The following TANGO6 variants were observed in gnomAD, a reference collection of about 807,000 sequenced individuals.
TANGO6 encodes transport and golgi organization 6 homolog.
Under a neutral mutation model 114.2 loss-of-function variants are expected in TANGO6, and 90 were observed. The ratio of observed to expected loss-of-function variants is 0.79; its 90% CI spans 0.66 to 0.94. The LOEUF (loss-of-function observed/expected upper bound fraction) is 0.94. Among genes scored for constraint, TANGO6 ranks in the 40% least tolerant of loss-of-function variants. The probability of loss-of-function intolerance (pLI) is 0.00; values close to 1 mark genes in which losing one functional copy is unlikely to be tolerated. For synonymous variants in TANGO6, 477 were observed against 509.8 expected (o/e 0.94, Z 0.87); for missense variants, 1,274 against 1,315.3 (o/e 0.97, Z 0.49).
intron 15 of TANGO6, among the ~76,000 whole-genome samples, chr16:69,011,757 T>C (rs1348841183): frequency 6.6e-6 from 1 of 152,230 alleles, no homozygotes; most frequent in Non-Finnish European, 1.5e-5. Flanking sequence ...CCCTCTGCTA[T>C]GTAAGCAACT....
chr16:68,986,101 T>C (rs1218896555), intron 15 of TANGO6, among the ~76,000 whole-genome samples: 1 of 152,166 alleles, frequency 6.6e-6, no homozygotes, highest in Admixed American at 6.5e-5. Flanking sequence ...CAAAGAACAG[T>C]ACTTCTTAAT....
chr16:68,994,497 C>A (rs898789039), intron 15 of TANGO6, among the ~76,000 whole-genome samples: 6 of 152,030 alleles, frequency 3.9e-5, no homozygotes, highest in African/African-American at 1.4e-4. Flanking sequence ...TCTTTCCCAG[C>A]CTATAAGAAG....
rs12929442 is a variant in TANGO6, at chr16:68,937,961, G to A, written c.2701+7666G>A. 7.3e-3 allele frequency among the ~76,000 whole-genome samples: 1,111 copies of A among 152,316 alleles called. 7 individuals carry two copies. The highest frequency in any genetic ancestry group is 0.014 in the Middle Eastern group (4 of 294). ...CCTGGGTATATACATATACCTAGGA[G>A]TGGAATTGCTGGATCGTATAGTAAG... On this transcript the variant is annotated intron_variant, in intron 14 of 17. Transcript: ENST00000261778.
chr16:68,851,029 A>T (rs907720998), intron 1 of TANGO6, among the ~76,000 whole-genome samples: 2 of 152,152 alleles, frequency 1.3e-5, no homozygotes, highest in Non-Finnish European at 2.9e-5. Context: ...TATTTTAATT[A>T]GCTTTAAATT....
At chr16:68,968,347 A>G (rs1346601476) in intron 14 of TANGO6, among the ~76,000 whole-genome samples, 1 of 150,282 alleles carries the variant, frequency 6.7e-6, no homozygotes, top group African/African-American at 2.4e-5. Context: ...TACAGATGTC[A>G]GCTACCGCAC....
intron 4 of TANGO6, chr16:68,868,024 G>T (rs1395636597): frequency 6.8e-6 from 1 of 147,768 alleles, no homozygotes; most frequent in Non-Finnish European, 1.5e-5. Context: ...CCCGCCTATG[G>T]TCCCAGCTAC....
chr16:68,843,859 G>T (rs1343575052), intron 1 of TANGO6, 148 bp downstream of exon 1: 2 of 716,432 alleles, frequency 2.8e-6, no homozygotes, highest in South Asian at 1.8e-5. Flanking sequence ...CATTGTCTAT[G>T]CCCGTCCTCA....
At chr16:68,897,576 C>T (rs966298833) in intron 7 of TANGO6, among the ~76,000 whole-genome samples, 3 of 149,444 alleles carry the variant, frequency 2.0e-5, no homozygotes, top group African/African-American at 4.9e-5. Context: ...AAAAAATTAG[C>T]GGATTTTTTT....
At chr16:68,991,470 A>C (rs990860333) in intron 15 of TANGO6, among the ~76,000 whole-genome samples, 5 of 151,950 alleles carry the variant, frequency 3.3e-5, no homozygotes, top group African/African-American at 1.2e-4. Flanking sequence ...AGAAAAAGCT[A>C]CTAAAAATAG....
At chr16:68,876,293 C>G (rs1158019183) in intron 5 of TANGO6, among the ~76,000 whole-genome samples, 1 of 152,050 alleles carries the variant, frequency 6.6e-6, no homozygotes, top group Non-Finnish European at 1.5e-5. Context: ...TCCCGAGTAG[C>G]TGGGATTACA....
intron 15 of TANGO6, among the ~76,000 whole-genome samples, chr16:68,996,943 C>A (rs1963996660): frequency 6.6e-6 from 1 of 151,962 alleles, no homozygotes; most frequent in African/African-American, 2.4e-5. Flanking sequence ...TTCTTCATCT[C>A]TACTTCAACC....
intron 17 of TANGO6, among the ~76,000 whole-genome samples, chr16:69,064,863 TG>T (rs1475346481): frequency 6.6e-6 from 1 of 152,134 alleles, no homozygotes; most frequent in East Asian, 1.9e-4. Context: ...TAATCCCACG[TG>T]GGAGGCTTTC....
chr16:68,912,296 G>A (rs956004177), intron 11 of TANGO6, among the ~76,000 whole-genome samples: 3 of 152,104 alleles, frequency 2.0e-5, no homozygotes, highest in African/African-American at 4.8e-5. Flanking sequence ...CCACGAGTTC[G>A]AGACCAGCCT....
At chr16:69,066,280 A>T (rs1424435254) in intron 17 of TANGO6, among the ~76,000 whole-genome samples, 3 of 150,812 alleles carry the variant, frequency 2.0e-5, no homozygotes, top group Admixed American at 6.6e-5. Context: ...CTATTCATTC[A>T]TTCATTCATT....
chr16:68,947,040 A>C (rs1251791016), intron 14 of TANGO6, among the ~76,000 whole-genome samples: 2 of 152,228 alleles, frequency 1.3e-5, no homozygotes, highest in East Asian at 3.8e-4. Flanking sequence ...ATTACACAGC[A>C]AATAATTTGA....
chr16:69,056,923 G>A (rs1046679926), intron 17 of TANGO6, among the ~76,000 whole-genome samples: 2 of 148,220 alleles, frequency 1.3e-5, no homozygotes, highest in African/African-American at 5.0e-5. Context: ...CTCTTGATCC[G>A]CCTGCCCAGG....
chr16:68,925,613 T>G (rs1453995210), intron 12 of TANGO6, among the ~76,000 whole-genome samples: 1 of 152,202 alleles, frequency 6.6e-6, no homozygotes. Flanking sequence ...TTCTTAATTT[T>G]AATAAGGTCC....
chr16:68,985,042 GT>G (rs902758430), intron 15 of TANGO6, among the ~76,000 whole-genome samples: 31 of 143,514 alleles, frequency 2.2e-4, no homozygotes, highest in African/African-American at 7.7e-4. Flanking sequence ...GTTGTTGTTA[GT>G]TTTTTTTTAA....
chr16:68,888,836 G>A (rs1421105214), intron 7 of TANGO6, among the ~76,000 whole-genome samples: 3 of 152,014 alleles, frequency 2.0e-5, no homozygotes, highest in African/African-American at 7.2e-5. Context: ...TTTTTGAGCC[G>A]GAGTTTCGCT....
Sources: gnomAD v4.1 joint callset for allele counts (sites outside exome capture counted in the v4.1 genomes callset) on GRCh38, gnomAD v4.1.1 for gene constraint, MANE v1.5 for transcripts, NCBI Gene and HGNC (gene_info 2026-07-23, HGNC 2026-07-21) for gene names.